DNAJB14: variants seen among roughly 807,000 people sequenced by gnomAD.
DNAJB14 encodes DnaJ heat shock protein family (Hsp40) member B14.
In DNAJB14, 22 loss-of-function variants were observed where a neutral mutation model predicts 48.4. The observed-to-expected ratio is 0.45, with a 90% CI of 0.32 to 0.65. The LOEUF (loss-of-function observed/expected upper bound fraction) is 0.65, where lower values mean the gene tolerates loss of function less well. Ranked by LOEUF, DNAJB14 falls within the 30% of genes least tolerant of loss-of-function variation. The pLI is 0.03. For synonymous variants in DNAJB14, 142 were observed against 158.7 expected, an observed-to-expected ratio of 0.89 and a Z score of 0.79; for missense variants, 319 against 458.8, an observed-to-expected ratio of 0.70 and a Z score of 2.78.
intron 2 of DNAJB14, chr4:99,923,804 G>T (rs1349332706): frequency 6.2e-6 from 6 of 974,916 alleles, no homozygotes; most frequent in Non-Finnish European, 7.3e-6. Flanking sequence ...CTTCCAAAGT[G>T]CTGGGATTAT....
In DNAJB14 at chr4:99,897,665, A is replaced by C. The variant is rs1287505921; in HGVS notation, c.*3363T>G. 6.6e-6 allele frequency: 1 copy of C among 152,060 alleles called. No homozygotes were observed. Among genetic ancestry groups the C allele is most frequent in the Admixed American group, 6.5e-5 (1 of 15,280 alleles). 9.4% of individuals were successfully genotyped at this position (152,060 alleles called of 1,614,324 possible). ...GGCAATGGTCCAATGTGGTCAACAG[A>C]CATGGTTTTTCAGCTGTTGAATGAA... On this transcript the variant is annotated 3_prime_UTR_variant, in exon 8 of 8. Coordinates refer to ENST00000442697, the MANE Select transcript of DNAJB14 (RefSeq NM_001031723.4).
intron 1 of DNAJB14, among the ~76,000 whole-genome samples, chr4:99,938,097 CAAAAAAAAAAAA>C (rs59597113): frequency 1.2e-3 from 49 of 40,976 alleles, no homozygotes; most frequent in Non-Finnish European, 1.5e-3. Flanking sequence ...GTTAAAAATA[CAAAAAAAAAAAA>C]AAAAAAAAAA....
chr4:99,899,708 A>G lies in DNAJB14; in HGVS notation c.*1320T>C, dbSNP rs1725233635. ...TTCCATTAACCGAGTATGAAGCAAA[A>G]TCATTAAAATATTACAACTGCTAAA... On this transcript the variant is annotated 3_prime_UTR_variant, in exon 8 of 8. Transcript: ENST00000442697. 1 of 152,348 alleles carries G rather than the reference A, an allele frequency of 6.6e-6. No individual in the cohort carries two copies. The highest frequency in any genetic ancestry group is 2.1e-4 in the South Asian group (1 of 4,830). 9.4% of individuals were successfully genotyped at this position (152,348 alleles called of 1,614,324 possible).
intron 4 of DNAJB14, among the ~76,000 whole-genome samples, chr4:99,908,040 C>A (rs1312426948): frequency 6.6e-6 from 1 of 152,122 alleles, no homozygotes; most frequent in Non-Finnish European, 1.5e-5. Context: ...TTATACAGAA[C>A]ATTGTTTCAC....
chr4:99,935,870 C>T (rs1726656003), intron 1 of DNAJB14, among the ~76,000 whole-genome samples: 1 of 152,046 alleles, frequency 6.6e-6, no homozygotes, highest in Non-Finnish European at 1.5e-5. Context: ...GAATTTGAGA[C>T]CAGCCTGGCC....
At chr4:99,926,498 C>T (rs1240751739) in intron 2 of DNAJB14, 1 of 151,998 alleles carries the variant, frequency 6.6e-6, no homozygotes, top group Admixed American at 6.6e-5. Context: ...GCAGACACTA[C>T]CTGAATGCAA....
chr4:99,906,842 T>C (rs548373881), intron 4 of DNAJB14, among the ~76,000 whole-genome samples: 23 of 152,288 alleles, frequency 1.5e-4, no homozygotes, highest in African/African-American at 5.1e-4. Flanking sequence ...TTATGAAAAC[T>C]TGACTAAGAG....
intron 7 of DNAJB14, among the ~76,000 whole-genome samples, chr4:99,903,450 C>T (rs1206771967): frequency 6.6e-6 from 1 of 151,478 alleles, no homozygotes; most frequent in African/African-American, 2.4e-5. Flanking sequence ...AATGATGTGT[C>T]TTATGATGGA....
intron 2 of DNAJB14, chr4:99,928,086 T>G (rs994022024): frequency 2.0e-5 from 3 of 152,194 alleles, no homozygotes; most frequent in Non-Finnish European, 2.9e-5. Context: ...ATAATGAGAT[T>G]ATTGACCAGA....
At chr4:99,901,658 T>C (rs935174406) in intron 7 of DNAJB14, among the ~76,000 whole-genome samples, 4 of 152,142 alleles carry the variant, frequency 2.6e-5, no homozygotes, top group Admixed American at 6.6e-5. Context: ...AAAATGCTTG[T>C]TATACGATCG....
intron 1 of DNAJB14, among the ~76,000 whole-genome samples, chr4:99,941,416 G>T (rs1046984732): frequency 7.2e-5 from 11 of 152,092 alleles, no homozygotes; most frequent in Non-Finnish European, 1.5e-4. Flanking sequence ...TCAACTCCAA[G>T]GTACTATTCA....
chr4:99,935,897 G>A lies in DNAJB14; in HGVS notation c.134-5276C>T, dbSNP rs138173931. Reference sequence around the variant, plus strand: ...AGCCTGGCCAACATGGTGAAACCTCGTCTCTACTAAAAATACAAAAAGTAG... The same window carrying A: ...AGCCTGGCCAACATGGTGAAACCTCATCTCTACTAAAAATACAAAAAGTAG... On this transcript the variant is annotated intron_variant, in intron 1 of 7. Coordinates refer to ENST00000442697, the MANE Select transcript of DNAJB14 (RefSeq NM_001031723.4). Among the ~76,000 whole-genome samples the A allele has an allele frequency of 8.2e-3, 1,253 of 152,046 alleles. 10 individuals are homozygous for A. Among genetic ancestry groups the A allele is most frequent in the African/African-American group, 0.028 (1,175 of 41,474 alleles).
chr4:99,918,269 T>C (rs1186778568), intron 3 of DNAJB14, among the ~76,000 whole-genome samples: 1 of 152,230 alleles, frequency 6.6e-6, no homozygotes, highest in African/African-American at 2.4e-5. Flanking sequence ...TAGTCATTGA[T>C]AGTTTTTGTT....
In DNAJB14 at chr4:99,912,532, C is replaced by T. The variant is rs984837033; in HGVS notation, c.452-3636G>A. Among the ~76,000 whole-genome samples, 7 of 151,480 alleles carry T rather than the reference C, an allele frequency of 4.6e-5. No homozygotes were observed. The South Asian group carries it at 6.2e-4, about 14-fold the overall frequency. ...TTTGCTCTTGTTGTCCTGGCTGGAG[C>T]GCAACGGCGCGATCTCGGCTCATTG... On this transcript the variant is annotated intron_variant, in intron 3 of 7. Coordinates refer to ENST00000442697, the MANE Select transcript of DNAJB14 (RefSeq NM_001031723.4).
chr4:99,909,020 A>G lies in DNAJB14; in HGVS notation c.452-124T>C, dbSNP rs1725564917. The G allele has an allele frequency of 1.5e-5, 9 of 605,488 alleles. No homozygotes were observed. In the South Asian group the frequency reaches 3.3e-4, roughly 22 times the overall value. The allele number at this position is 605,488 out of a possible 1,614,324, so 37.5% of individuals were successfully genotyped here. On this transcript the variant is annotated intron_variant, in intron 3 of 7. Coordinates refer to ENST00000442697, the MANE Select transcript of DNAJB14 (RefSeq NM_001031723.4). ...AAAACTATCCAGAAAATTGTTAAAA[A>G]TAAGTTCTTTTAAAGATATACATTG...
Position 99,923,084 on chromosome 4 carries a change from T to C in DNAJB14, c.407A>G (p.His136Arg). 1 of 1,611,768 alleles carries C rather than the reference T, an allele frequency of 6.2e-7. No homozygotes were observed. Among genetic ancestry groups the C allele is most frequent in the Non-Finnish European group, 8.5e-7 (1 of 1,179,212 alleles). ...TCCAGGTGCATGGTTTTTGTCTGGA[T>C]GAAACTTCAAAGCAAGCTTTCTATA... ...KAYRKLALKF[H>R]PDKNHAPGAT... The change falls in exon 3 of 8, where the codon CAT (histidine) becomes CGT (arginine). Residue 136 changes from histidine (H) to arginine (R), a missense_variant. Transcript: ENST00000442697.
chr4:99,929,199 T>TCCTCAG (rs1483817012), intron 2 of DNAJB14: 3 of 152,326 alleles, frequency 2.0e-5, no homozygotes, highest in Non-Finnish European at 4.4e-5. Context: ...TTCAAGTGAT[T>TCCTCAG]CCTCAGCCTC....
intron 1 of DNAJB14, among the ~76,000 whole-genome samples, chr4:99,933,438 C>A (rs1407474204): frequency 6.7e-6 from 1 of 150,226 alleles, no homozygotes; most frequent in Non-Finnish European, 1.5e-5. Flanking sequence ...ACTACAGGTA[C>A]CTGCCCCCGA....
chr4:99,906,310 C>G (rs1725464652), intron 5 of DNAJB14, among the ~76,000 whole-genome samples: 1 of 152,120 alleles, frequency 6.6e-6, no homozygotes, highest in African/African-American at 2.4e-5. Flanking sequence ...AATAACAAAT[C>G]TAAAGGGGTC....
Sources: allele counts gnomAD v4.1 joint callset (sites outside exome capture counted in the v4.1 genomes callset), GRCh38; gene constraint gnomAD v4.1.1; transcripts MANE v1.5; gene names NCBI Gene and HGNC (gene_info 2026-07-23, HGNC 2026-07-21).